HLA-DQA1: variants seen among roughly 807,000 people sequenced by gnomAD.
HLA-DQA1 encodes the protein major histocompatibility complex, class II, DQ alpha 1.
In HLA-DQA1, 10 loss-of-function variants were observed where a neutral mutation model predicts 20.7. The observed-to-expected ratio is 0.48, with a 90% CI of 0.30 to 0.82. The LOEUF is 0.82. Ranked by LOEUF, HLA-DQA1 falls within the 40% of genes least tolerant of loss-of-function variation. The pLI, the probability that HLA-DQA1 is intolerant of heterozygous loss-of-function variation, is 0.07. For missense variants in HLA-DQA1, 127 were observed against 293.0 expected, an observed-to-expected ratio of 0.43 and a Z score of 4.14; for synonymous variants, 39 against 109.2, an observed-to-expected ratio of 0.36 and a Z score of 4.01.
chr6:32,651,450 G>A (rs1485343865), downstream of HLA-DQA1, among the ~76,000 whole-genome samples: 3 of 85,998 alleles, frequency 3.5e-5, 1 homozygote, highest in Non-Finnish European at 5.0e-5. Flanking sequence ...CGGGCATGGT[G>A]GCGGGCGCCT....
At chr6:32,650,822 A>C (rs375603772), downstream of HLA-DQA1, among the ~76,000 whole-genome samples, 4 of 87,774 alleles carry the variant, frequency 4.6e-5, 2 homozygotes, top group East Asian at 1.5e-3. Flanking sequence ...CACGTTGTGC[A>C]CATGTACCCT....
chr6:32,647,328 G>A (rs1385983972), downstream of HLA-DQA1, among the ~76,000 whole-genome samples: 3 of 96,562 alleles, frequency 3.1e-5, 1 homozygote, highest in Admixed American at 3.8e-4. Flanking sequence ...AATTAGCTGG[G>A]CGTGGTGGTG....
At chr6:32,654,685 G>A in the HLA-DQA1 span, among the ~76,000 whole-genome samples, 3 of 96,130 alleles carry the variant, frequency 3.1e-5, no homozygotes, top group African/African-American at 1.1e-4. Flanking sequence ...ATCAGAGGAT[G>A]TGGAACCCAC....
chr6:32,650,626 C>T (rs1310032309), downstream of HLA-DQA1, among the ~76,000 whole-genome samples: 2 of 90,848 alleles, frequency 2.2e-5, 1 homozygote, highest in Admixed American at 2.7e-4. Context: ...CGCATGTTCT[C>T]GCTCATAAGT....
chr6:32,653,518 T>C, the HLA-DQA1 span, among the ~76,000 whole-genome samples: 2 of 96,282 alleles, frequency 2.1e-5, 1 homozygote, highest in African/African-American at 7.2e-5. Context: ...CACCTCGGCC[T>C]CCCACGTGCT....
chr6:32,651,759 G>GA (rs1782198612), downstream of HLA-DQA1, among the ~76,000 whole-genome samples: 2 of 92,140 alleles, frequency 2.2e-5, 1 homozygote, highest in African/African-American at 7.5e-5. Flanking sequence ...AAATATGAAG[G>GA]ACCCAATTCT....
chr6:32,651,383 G>C (rs1354127681), downstream of HLA-DQA1, among the ~76,000 whole-genome samples: 2 of 82,060 alleles, frequency 2.4e-5, no homozygotes, highest in African/African-American at 8.4e-5. Flanking sequence ...AGGAGATCAA[G>C]ACCATCCTGG....
At chr6:32,638,000 C>G (rs1369548163) in intron 1 of HLA-DQA1, among the ~76,000 whole-genome samples, 2 of 123,542 alleles carry the variant, frequency 1.6e-5, no homozygotes, top group Non-Finnish European at 3.5e-5. Flanking sequence ...GTTTCTTTCT[C>G]TCAGACTTAC....
chr6:32,655,196 C>T, the HLA-DQA1 span, among the ~76,000 whole-genome samples: 48,849 of 108,744 alleles, frequency 0.45, 9,622 homozygotes, highest in Middle Eastern at 0.54. Context: ...AAATGATTAA[C>T]GAGTTTAAAA....
At chr6:32,652,155 G>A in the HLA-DQA1 span, among the ~76,000 whole-genome samples, 2 of 91,912 alleles carry the variant, frequency 2.2e-5, 1 homozygote, top group Non-Finnish European at 4.8e-5. Context: ...GGTGGCGGGT[G>A]CCTGTAGTCC....
chr6:32,642,628 C>G lies in HLA-DQA1; in HGVS notation c.632C>G (p.Pro211Arg). Residue 211 changes from proline (P) to arginine (R), a missense_variant, in exon 4 of 5, where the codon CCT becomes CGT. Physicochemically the swap from Pro to Arg is moderately radical, Grantham distance 103. Coordinates refer to ENST00000343139, the MANE Select transcript of HLA-DQA1 (RefSeq NM_002122.5). The stretch of plus-strand genomic sequence containing the variant: ...TCCACAGAGCCTGAGATTCCAGCCC[C>G]TATGTCAGAGCTCACAGAGACTGTG... ...LKHWEPEIPA[P>R]MSELTETVVC... 1 of 1,368,330 alleles carries G rather than the reference C, an allele frequency of 7.3e-7. No individual in the cohort carries two copies. The highest frequency in any genetic ancestry group is 2.6e-5 in the East Asian group (1 of 38,214). The allele number at this position is 1,368,330 out of a possible 1,614,324, so 84.8% of individuals were successfully genotyped here. A position where few individuals can be genotyped will look rare whatever the true frequency, so the allele number is the denominator to read the frequency against.
At chr6:32,641,265 C>A (rs28383439) in intron 1 of HLA-DQA1, 45 bp from the exon 2 acceptor site, 102,058 of 1,042,052 alleles carry the variant, frequency 0.098, 17,770 homozygotes, top group Admixed American at 0.23. Context: ...AAGGTTCTTT[C>A]TTCCCCTGTT....
downstream of HLA-DQA1, chr6:32,644,930 G>A (rs1383538609): frequency 4.7e-5 from 6 of 128,560 alleles, 1 homozygote; most frequent in Non-Finnish European, 1.0e-4. Context: ...GATAGTTCAA[G>A]GAGAAAATAA....
rs116613962 is a variant in HLA-DQA1, at chr6:32,642,443, A to G, written c.614-167A>G. The G allele has an allele frequency of 0.21, 108,326 of 510,932 alleles. 38,798 individuals are homozygous for G. The highest frequency in any genetic ancestry group is 0.35 in the Admixed American group (8,114 of 23,232). 31.6% of individuals were successfully genotyped at this position (510,932 alleles called of 1,614,324 possible). A position where few individuals can be genotyped will look rare whatever the true frequency, so the allele number is the denominator to read the frequency against. On this transcript the variant is annotated intron_variant, in intron 3 of 4. Coordinates refer to ENST00000343139, the MANE Select transcript of HLA-DQA1 (RefSeq NM_002122.5). The stretch of plus-strand genomic sequence containing the variant: ...TGAAAATGAAAGTACACTCTACAGG[A>G]TGGGAGTGGGCCTGCCACTTCATGG...
chr6:32,640,435 C>T (rs1323879964), intron 1 of HLA-DQA1, among the ~76,000 whole-genome samples: 4 of 96,816 alleles, frequency 4.1e-5, no homozygotes, highest in East Asian at 3.3e-4. Context: ...TGGCTGGAGT[C>T]GTACTGCATG....
chr6:32,647,058 G>A (rs1025807430), downstream of HLA-DQA1: 2 of 151,824 alleles, frequency 1.3e-5, no homozygotes, highest in South Asian at 2.1e-4. Context: ...AAATAATTAT[G>A]AATGAAATAT....
the HLA-DQA1 span, among the ~76,000 whole-genome samples, chr6:32,654,688 G>A: frequency 1.1e-5 from 1 of 94,174 alleles, no homozygotes; most frequent in African/African-American, 3.7e-5. Context: ...AGAGGATGTG[G>A]AACCCACAGA....
At chr6:32,637,989 C>T (rs1374134284) in intron 1 of HLA-DQA1, among the ~76,000 whole-genome samples, 1 of 119,048 alleles carries the variant, frequency 8.4e-6, no homozygotes, top group Non-Finnish European at 1.8e-5. Flanking sequence ...AAATGTTGCC[C>T]GTTTCTTTCT....
chr6:32,651,122 T>A (rs1782164898), downstream of HLA-DQA1, among the ~76,000 whole-genome samples: 1 of 82,528 alleles, frequency 1.2e-5, no homozygotes. Flanking sequence ...CCTCCTGACC[T>A]CGTGGTCTCC....
Sources: allele counts gnomAD v4.1 joint callset (sites outside exome capture counted in the v4.1 genomes callset), GRCh38; gene constraint gnomAD v4.1.1; transcripts MANE v1.5; gene names NCBI Gene and HGNC (gene_info 2026-07-23, HGNC 2026-07-21).